The following FOXP2 variants were observed in gnomAD, a reference collection of about 807,000 sequenced individuals.
FOXP2 encodes the protein forkhead box protein P2.
Under a neutral mutation model 115.8 loss-of-function variants are expected in FOXP2, and 12 were observed. The observed-to-expected ratio is 0.10, with a 90% CI of 0.07 to 0.17. The LOEUF (loss-of-function observed/expected upper bound fraction) is 0.17. FOXP2 is among the 10% of genes least tolerant of loss of function. FOXP2 has a pLI of 1.00. For synonymous variants in FOXP2, 328 were observed against 297.7 expected (o/e 1.10, Z -1.05); for missense variants, 629 against 843.5 (o/e 0.75, Z 3.15).
In FOXP2 at chr7:114,147,114, G is replaced by A. The variant is rs76734133; in HGVS notation, c.-246-15830G>A. Reference sequence around the variant, plus strand: ...ATAAGACTTGGTATGTGAAGATTTGGATTTCAATCACAAATCAGCTACTTG... The same window carrying A: ...ATAAGACTTGGTATGTGAAGATTTGAATTTCAATCACAAATCAGCTACTTG... On this transcript the variant is annotated intron_variant, in intron 1 of 19. Transcript: ENST00000635638. 9.6e-3 allele frequency among the ~76,000 whole-genome samples: 1,463 copies of A among 152,204 alleles called. 32 individuals are homozygous for A. Among genetic ancestry groups the A allele is most frequent in the African/African-American group, 0.034 (1,391 of 41,522 alleles).
chr7:114,353,592 T>C (rs985346908), intron 2 of FOXP2, among the ~76,000 whole-genome samples: 3 of 152,108 alleles, frequency 2.0e-5, no homozygotes, highest in Non-Finnish European at 4.4e-5. Flanking sequence ...AAATCATCCA[T>C]AAACTTTGAC....
intron 2 of FOXP2, among the ~76,000 whole-genome samples, chr7:114,302,347 G>A (rs1194615527): frequency 1.3e-5 from 2 of 151,988 alleles, no homozygotes. Context: ...TTATATATAT[G>A]TACAAATATT....
intron 1 of FOXP2, among the ~76,000 whole-genome samples, chr7:114,223,073 A>G (rs1349133277): frequency 6.6e-6 from 1 of 152,110 alleles, no homozygotes; most frequent in Non-Finnish European, 1.5e-5. Flanking sequence ...TATATGTTTC[A>G]TATATATTTG....
chr7:114,102,587 A>G (rs937630066), intron 1 of FOXP2, among the ~76,000 whole-genome samples: 10 of 151,104 alleles, frequency 6.6e-5, no homozygotes, highest in African/African-American at 2.4e-4. Context: ...TCAACCATTT[A>G]AACATGTAAA....
chr7:114,239,189 GA>G (rs1795091150), intron 1 of FOXP2, among the ~76,000 whole-genome samples: 3 of 151,618 alleles, frequency 2.0e-5, no homozygotes, highest in Admixed American at 2.0e-4. Context: ...TTTTTCTTGT[GA>G]AAAATGAGGA....
At chr7:114,440,268 T>A (rs1227787167) in intron 2 of FOXP2, among the ~76,000 whole-genome samples, 1 of 152,190 alleles carries the variant, frequency 6.6e-6, no homozygotes, top group African/African-American at 2.4e-5. Context: ...TATTGTTTCA[T>A]AGGCAAAGTT....
At chr7:114,354,076 G>T (rs556143905) in intron 2 of FOXP2, among the ~76,000 whole-genome samples, 4 of 152,136 alleles carry the variant, frequency 2.6e-5, no homozygotes, top group Admixed American at 6.6e-5. Context: ...ATCATGTTGG[G>T]CATCAGCCAG....
rs933145350 is a variant in FOXP2 at position 114,490,042 on chromosome 7, A to G, written c.169-44575A>G. On this transcript the variant is annotated intron_variant, in intron 2 of 16. Coordinates refer to ENST00000350908, the MANE Select transcript of FOXP2 (RefSeq NM_014491.4). ...TGCAGTTTCTTACAAAACTAAACAT[A>G]TTCTATATGATCAGCAATTGTGCTC... Among the ~76,000 whole-genome samples the G allele has an allele frequency of 3.9e-5, 6 of 152,168 alleles. No individual in the cohort carries two copies. The South Asian group carries it at 1.2e-3, about 31-fold the overall frequency.
At chr7:114,104,549 A>G (rs1217210408) in intron 1 of FOXP2, among the ~76,000 whole-genome samples, 1 of 152,002 alleles carries the variant, frequency 6.6e-6, no homozygotes, top group East Asian at 1.9e-4. Context: ...ATTGATATGT[A>G]CATTTTGTAG....
At chr7:114,583,375 C>CAA (rs796952453) in intron 3 of FOXP2, among the ~76,000 whole-genome samples, 1 of 145,600 alleles carries the variant, frequency 6.9e-6, no homozygotes, top group African/African-American at 2.5e-5. Context: ...AAGCCTGTCT[C>CAA]AAAAAAAAAA....
chr7:114,177,083 A>C (rs967206552), intron 1 of FOXP2, among the ~76,000 whole-genome samples: 1 of 152,048 alleles, frequency 6.6e-6, no homozygotes, highest in African/African-American at 2.4e-5. Context: ...ATTTACTTAC[A>C]TTCATTCTAT....
intron 3 of FOXP2, among the ~76,000 whole-genome samples, chr7:114,575,273 A>G (rs1223524995): frequency 2.0e-5 from 3 of 151,840 alleles, no homozygotes; most frequent in Non-Finnish European, 2.9e-5. Context: ...CCTAAAAAGT[A>G]CTTACCATAA....
At chr7:114,355,032 T>A (rs1409411559) in intron 2 of FOXP2, among the ~76,000 whole-genome samples, 1 of 152,202 alleles carries the variant, frequency 6.6e-6, no homozygotes, top group Non-Finnish European at 1.5e-5. Flanking sequence ...ATATGACATA[T>A]CTATAACTAA....
chr7:114,383,736 T>A (rs1170687837), intron 2 of FOXP2, among the ~76,000 whole-genome samples: 1 of 151,940 alleles, frequency 6.6e-6, no homozygotes, highest in South Asian at 2.1e-4. Context: ...AAATTGGTCC[T>A]AATTCTCCAG....
chr7:114,223,658 G>T (rs1038569226), intron 1 of FOXP2, among the ~76,000 whole-genome samples: 1 of 149,456 alleles, frequency 6.7e-6, no homozygotes, highest in Non-Finnish European at 1.5e-5. Flanking sequence ...TCTTTTTGTT[G>T]AGAGTAAGAT....
At chr7:114,283,717 C>T (rs1274952587) in intron 1 of FOXP2, among the ~76,000 whole-genome samples, 1 of 152,196 alleles carries the variant, frequency 6.6e-6, no homozygotes, top group Non-Finnish European at 1.5e-5. Context: ...AATCCCAGCA[C>T]TTTGGGAGGC....
intron 8 of FOXP2, among the ~76,000 whole-genome samples, chr7:114,648,028 A>T (rs1806014475): frequency 6.6e-6 from 1 of 152,088 alleles, no homozygotes; most frequent in Non-Finnish European, 1.5e-5. Flanking sequence ...TTTATTACAG[A>T]CTAAATTTTT....
intron 1 of FOXP2, among the ~76,000 whole-genome samples, chr7:114,126,388 A>G (rs190890764): frequency 1.7e-3 from 253 of 152,308 alleles, no homozygotes; most frequent in African/African-American, 6.0e-3. Context: ...TGGGATTAGC[A>G]TGTACCCTTC....
intron 16 of FOXP2, among the ~76,000 whole-genome samples, chr7:114,677,373 C>T (rs868379434): frequency 1.3e-5 from 2 of 152,004 alleles, no homozygotes; most frequent in Non-Finnish European, 2.9e-5. Flanking sequence ...AGAAGACATA[C>T]GATTCTGTTT....
Sources: allele counts gnomAD v4.1 joint callset (sites outside exome capture counted in the v4.1 genomes callset), GRCh38; gene constraint gnomAD v4.1.1; transcripts MANE v1.5; gene names NCBI Gene and HGNC (gene_info 2026-07-23, HGNC 2026-07-21).